CCR9: variants seen among roughly 807,000 people sequenced by gnomAD.
CCR9 encodes the protein C-C chemokine receptor type 9.
CCR9 carries 4 observed loss-of-function variants against 8.7 expected under a neutral mutation model. The observed-to-expected ratio is 0.46, with a 90% CI of 0.23 to 1.06. The LOEUF is 1.06. CCR9 is among the 50% of genes least tolerant of loss of function. CCR9 has a pLI of 0.21. For missense variants in CCR9, 394 were observed against 453.6 expected (o/e 0.87, Z 1.19); for synonymous variants, 159 against 168.8 (o/e 0.94, Z 0.45).
Position 45,901,959 on chromosome 3 carries a change from C to G in CCR9, c.*61C>G. 7.4e-7 allele frequency: 1 copy of G among 1,351,422 alleles called. No homozygotes were observed. The highest frequency in any genetic ancestry group is 1.0e-6 in the Non-Finnish European group (1 of 983,742). 83.7% of individuals were successfully genotyped at this position (1,351,422 alleles called of 1,614,324 possible). A position where few individuals can be genotyped will look rare whatever the true frequency, so the allele number is the denominator to read the frequency against. On this transcript the variant is annotated 3_prime_UTR_variant, in exon 3 of 3. Coordinates refer to ENST00000357632, the MANE Select transcript of CCR9 (RefSeq NM_031200.3). The surrounding 1 kb of genome is among the most constrained non-coding windows in gnomAD (Gnocchi z 4.3). ...AAATGAGAAATACAGAAACAGTTTC[C>G]CCACTGATGGGACCAGAGAGAGTGA...
chr3:45,890,033 A>T (rs544774659), intron 1 of CCR9, among the ~76,000 whole-genome samples: 4 of 150,716 alleles, frequency 2.7e-5, no homozygotes, highest in African/African-American at 9.8e-5. Flanking sequence ...ACATAAATTT[A>T]TACTCCTCAC....
chr3:45,901,670 C>T lies in CCR9; in HGVS notation c.882C>T (p.Asn294=). The T allele has an allele frequency of 2.5e-6, 4 of 1,613,982 alleles. No homozygotes were observed. Among genetic ancestry groups the T allele is most frequent in the Non-Finnish European group, 3.4e-6 (4 of 1,179,824 alleles). The part of the protein sequence containing the change: ...MFISNCAVST[N]IDICFQVTQT... Reference sequence around the variant, plus strand: ...TCTCCAACTGTGCCGTTTCCACCAACATTGACATCTGCTTCCAGGTCACCC... The same window carrying T: ...TCTCCAACTGTGCCGTTTCCACCAATATTGACATCTGCTTCCAGGTCACCC... Residue 294 remains asparagine, a synonymous_variant, in exon 3 of 3, where the codon AAC becomes AAT. Transcript: ENST00000357632. The surrounding 1 kb of genome is among the most constrained non-coding windows in gnomAD (Gnocchi z 4.3).
chr3:45,902,118 C>T lies in CCR9; in HGVS notation c.*220C>T, dbSNP rs980319068. 18 of 485,308 alleles carry T rather than the reference C, an allele frequency of 3.7e-5. No individual in the cohort carries two copies. The highest frequency in any genetic ancestry group is 1.4e-4 in the African/African-American group (7 of 51,052). The allele number at this position is 485,308 out of a possible 1,614,324, so 30.1% of individuals were successfully genotyped here. A position where few individuals can be genotyped will look rare whatever the true frequency, so the allele number is the denominator to read the frequency against. On this transcript the variant is annotated 3_prime_UTR_variant, in exon 3 of 3. Transcript: ENST00000357632. ...TTGATTGGCTCTTGACTGTGATGCC[C>T]GCAATTCTCAAAGGAGGACTAAGGA...
chr3:45,894,995 C>T, intron 2 of CCR9, 41 bp downstream of exon 2: 1 of 1,596,672 alleles, frequency 6.3e-7, no homozygotes, highest in South Asian at 1.1e-5. Context: ...AAAACACACA[C>T]TCATCTTCCC....
At position 45,901,104 on chromosome 3, in the gene CCR9, A is replaced by G; in HGVS notation, c.316A>G (p.Ile106Val). ...TCTTGTCACTCTTCCCTTCTGGGCCATTGCTGCTGCTGACCAGTGGAAGTT... is the reference window on the plus strand; with the variant it reads ...TCTTGTCACTCTTCCCTTCTGGGCCGTTGCTGCTGCTGACCAGTGGAAGTT... ...LFLVTLPFWAIAAADQWKFQT... is the reference protein window; with the variant it reads ...LFLVTLPFWAVAAADQWKFQT... Residue 106 changes from isoleucine (I) to valine (V), a missense_variant, in exon 3 of 3, where the codon ATT (isoleucine) becomes GTT (valine). Coordinates refer to ENST00000357632, the MANE Select transcript of CCR9 (RefSeq NM_031200.3). The surrounding 1 kb of genome is among the most constrained non-coding windows in gnomAD (Gnocchi z 4.3). The G allele has an allele frequency of 6.2e-7, 1 of 1,614,138 alleles. No individual in the cohort carries two copies. The highest frequency in any genetic ancestry group is 8.5e-7 in the Non-Finnish European group (1 of 1,180,018).
chr3:45,900,736 T>TCCA lies in CCR9; in HGVS notation c.22-73_22-71dup. ...GTTTGGGGTTGGAAGGGTCAAGAGGTCCATGCCTCTGCCATCAGACAGGAC... is the reference window on the plus strand; with the variant it reads ...GTTTGGGGTTGGAAGGGTCAAGAGGTCCACCATGCCTCTGCCATCAGACAGGAC... On this transcript the variant is annotated intron_variant, in intron 2 of 2. Transcript: ENST00000357632. This position sits in a 1 kb window ranked among gnomAD's most constrained non-coding sequence, Gnocchi z 4.7. 6.7e-7 allele frequency: 1 copy of TCCA among 1,497,200 alleles called. No individual in the cohort carries two copies. Among genetic ancestry groups the TCCA allele is most frequent in the Non-Finnish European group, 9.0e-7 (1 of 1,107,482 alleles). The allele number at this position is 1,497,200 out of a possible 1,614,324, so 92.7% of individuals were successfully genotyped here.
chr3:45,887,881 C>T (rs1289218936), intron 1 of CCR9, among the ~76,000 whole-genome samples: 1 of 151,170 alleles, frequency 6.6e-6, no homozygotes, highest in South Asian at 2.1e-4. Context: ...AAAAGCAGAG[C>T]TATGAAAAAA....
Position 45,902,025 on chromosome 3 carries a change from A to G in CCR9, c.*127A>G. On this transcript the variant is annotated 3_prime_UTR_variant, in exon 3 of 3. Transcript: ENST00000357632. ...TCAGAAAGGGATGAATCTGAACTAT[A>G]TGATTACTTGTAGTCAGAATTTGCC... The G allele has an allele frequency of 5.0e-6, 4 of 798,076 alleles. No homozygotes were observed. Among genetic ancestry groups the G allele is most frequent in the Non-Finnish European group, 7.8e-6 (4 of 510,366 alleles). 49.4% of individuals were successfully genotyped at this position (798,076 alleles called of 1,614,324 possible).
intron 1 of CCR9, among the ~76,000 whole-genome samples, chr3:45,892,981 T>A (rs1199944458): frequency 6.6e-6 from 1 of 152,166 alleles, no homozygotes; most frequent in Non-Finnish European, 1.5e-5. Flanking sequence ...TTTATTGAGG[T>A]CCAATTATAA....
chr3:45,896,934 G>A (rs1038742232), intron 2 of CCR9, among the ~76,000 whole-genome samples: 4 of 152,190 alleles, frequency 2.6e-5, no homozygotes, highest in African/African-American at 4.8e-5. Context: ...GATTTCCAGA[G>A]AACACATGAG....
chr3:45,890,321 A>ATATAACATATATATATT, intron 1 of CCR9, among the ~76,000 whole-genome samples: 1 of 105,018 alleles, frequency 9.5e-6, no homozygotes, highest in Non-Finnish European at 1.7e-5. Context: ...ATATATTTAT[A>ATATAACATATATATATT]TAAATATATA....
chr3:45,887,679 C>T (rs1309089936), intron 1 of CCR9, among the ~76,000 whole-genome samples: 2 of 152,208 alleles, frequency 1.3e-5, no homozygotes, highest in Non-Finnish European at 2.9e-5. Flanking sequence ...TCTGGAATTT[C>T]GGAGTCCTTT....
At chr3:45,886,932 A>G (rs1195284566) in intron 1 of CCR9, among the ~76,000 whole-genome samples, 1 of 152,202 alleles carries the variant, frequency 6.6e-6, no homozygotes, top group Non-Finnish European at 1.5e-5. Flanking sequence ...AGGAAGGAGA[A>G]GCAGGTGCTG....
At chr3:45,891,217 T>A (rs895470091) in intron 1 of CCR9, among the ~76,000 whole-genome samples, 4 of 152,268 alleles carry the variant, frequency 2.6e-5, no homozygotes, top group Non-Finnish European at 5.9e-5. Context: ...AGGCTGGGGC[T>A]ACTCATTTTT....
chr3:45,890,269 A>ATATTT (rs1466215987), intron 1 of CCR9, among the ~76,000 whole-genome samples: 471 of 10,406 alleles, frequency 0.045, 61 homozygotes, highest in South Asian at 0.2. Flanking sequence ...ATATATATAT[A>ATATTT]ACATATATAT....
intron 1 of CCR9, among the ~76,000 whole-genome samples, chr3:45,891,996 C>T (rs1575295795): frequency 6.6e-6 from 1 of 152,098 alleles, no homozygotes; most frequent in Admixed American, 6.6e-5. Context: ...TGAAGACCAA[C>T]TTAGCTGGTC....
chr3:45,886,350 CTTCAGATGAGACAGT>C (rs1701980693), upstream of CCR9, among the ~76,000 whole-genome samples: 1 of 152,188 alleles, frequency 6.6e-6, no homozygotes, highest in Non-Finnish European at 1.5e-5. Context: ...GTATGTGCGT[CTTCAGATGAGACAGT>C]TTCCCCTTAT....
chr3:45,901,245 A>T lies in CCR9; in HGVS notation c.457A>T (p.Arg153Ter), dbSNP rs771928543. Residue 153 changes from arginine to a stop codon, truncating the protein, a stop_gained, in exon 3 of 3, where the codon AGA becomes TGA. Coordinates refer to ENST00000357632, the MANE Select transcript of CCR9 (RefSeq NM_031200.3). LOFTEE classifies it low-confidence loss of function (END_TRUNC). This position sits in a 1 kb window ranked among gnomAD's most constrained non-coding sequence, Gnocchi z 4.3. ...GTACATTGCCATTGCCCAGGCCATGAGAGCACATACTTGGAGGGAGAAAAG... is the reference window on the plus strand; with the variant it reads ...GTACATTGCCATTGCCCAGGCCATGTGAGCACATACTTGGAGGGAGAAAAG... ...DRYIAIAQAM[R>*]AHTWREKRLL... The T allele has an allele frequency of 1.9e-6, 3 of 1,614,238 alleles. No individual in the cohort carries two copies. In the Admixed American group the frequency reaches 5.0e-5, roughly 27 times the overall value.
At chr3:45,897,346 C>T (rs886166925) in intron 2 of CCR9, among the ~76,000 whole-genome samples, 3 of 152,132 alleles carry the variant, frequency 2.0e-5, no homozygotes, top group African/African-American at 7.2e-5. Flanking sequence ...GAGTCCCTAA[C>T]CTAACTAACT....
Sources: gnomAD v4.1 joint callset for allele counts (sites outside exome capture counted in the v4.1 genomes callset) on GRCh38, gnomAD v4.1.1 for gene constraint, Gnocchi (gnomAD v3.1) non-coding constraint, MANE v1.5 for transcripts, NCBI Gene and HGNC (gene_info 2026-07-23, HGNC 2026-07-21) for gene names.